The following RIC8B variants were observed in gnomAD, a reference collection of about 807,000 sequenced individuals.
RIC8B encodes the protein RIC8 guanine nucleotide exchange factor B, also known as chaperone Ric-8B.
RIC8B carries 16 observed loss-of-function variants against 57.5 expected under a neutral mutation model. That is an observed-to-expected ratio of 0.28 (90% CI 0.19 to 0.42). RIC8B has a LOEUF of 0.42. Among genes scored for constraint, RIC8B ranks in the 10% least tolerant of loss-of-function variants. RIC8B has a pLI of 1.00. For synonymous variants in RIC8B, 216 were observed against 250.8 expected (o/e 0.86, Z 1.31); for missense variants, 481 against 677.0 (o/e 0.71, Z 3.21).
rs1459716311 is a variant in RIC8B, at chr12:106,867,472, C to G, written c.1452-3351C>G. Among the ~76,000 whole-genome samples the G allele has an allele frequency of 6.6e-6, 1 of 152,070 alleles. No individual in the cohort carries two copies. Among genetic ancestry groups the G allele is most frequent in the Non-Finnish European group, 1.5e-5 (1 of 68,014 alleles). Reference sequence around the variant, plus strand: ...AGTGTTCTTAAAGCATCTTAAGACTCCAAGTTTTGGAATGAAATAAAACTA... The same window carrying G: ...AGTGTTCTTAAAGCATCTTAAGACTGCAAGTTTTGGAATGAAATAAAACTA... On this transcript the variant is annotated intron_variant, in intron 8 of 9. Transcript: ENST00000392837. The surrounding 1 kb of genome is among the most constrained non-coding windows in gnomAD (Gnocchi z 4.3).
At chr12:106,821,526 T>C (rs73200053) in intron 3 of RIC8B, among the ~76,000 whole-genome samples, 6,568 of 152,270 alleles carry the variant, frequency 0.043, 160 homozygotes, top group South Asian at 0.082. Context: ...TAATAAAGCT[T>C]ACTGAAGAGT....
intron 3 of RIC8B, chr12:106,822,488 A>G (rs938288639): frequency 6.6e-6 from 1 of 152,258 alleles, no homozygotes; most frequent in Admixed American, 6.5e-5. Context: ...CCCAAGCTGG[A>G]AACAATCCAA....
chr12:106,825,566 A>C (rs1278296803), intron 3 of RIC8B, among the ~76,000 whole-genome samples, 160 bp from the exon 4 acceptor site: 1 of 152,216 alleles, frequency 6.6e-6, no homozygotes, highest in Non-Finnish European at 1.5e-5. Flanking sequence ...GATAGTGACT[A>C]TTAGTATTGC....
At chr12:106,803,949 T>C (rs1417900024) in intron 2 of RIC8B, among the ~76,000 whole-genome samples, 1 of 152,228 alleles carries the variant, frequency 6.6e-6, no homozygotes, top group East Asian at 1.9e-4. Flanking sequence ...TATCCCCGTT[T>C]TATAGGTAAT....
At position 106,867,544 on chromosome 12, in the gene RIC8B, C is replaced by T. The variant is rs1950189949; in HGVS notation, c.1452-3279C>T. Among the ~76,000 whole-genome samples, 1 of 152,220 alleles carries T rather than the reference C, an allele frequency of 6.6e-6. No homozygotes were observed. Among genetic ancestry groups the T allele is most frequent in the South Asian group, 2.1e-4 (1 of 4,826 alleles). On this transcript the variant is annotated intron_variant, in intron 8 of 9. Coordinates refer to ENST00000392837, the MANE Select transcript of RIC8B (RefSeq NM_001330145.2). This position sits in a 1 kb window ranked among gnomAD's most constrained non-coding sequence, Gnocchi z 4.3. ...AAGATTGAAACCTGGACTGTGGCGTCTCAGACTGTACTATTTGAGGTTGAA... is the reference window on the plus strand; with the variant it reads ...AAGATTGAAACCTGGACTGTGGCGTTTCAGACTGTACTATTTGAGGTTGAA...
chr12:106,853,265 G>A (rs1949553910), intron 7 of RIC8B, among the ~76,000 whole-genome samples: 1 of 151,524 alleles, frequency 6.6e-6, no homozygotes, highest in African/African-American at 2.4e-5. Context: ...TTACCGATGA[G>A]TATCATAGCA....
intron 2 of RIC8B, among the ~76,000 whole-genome samples, chr12:106,788,176 A>G (rs1445134496): frequency 6.6e-6 from 1 of 152,204 alleles, no homozygotes; most frequent in Non-Finnish European, 1.5e-5. Flanking sequence ...AAGCTCCAAA[A>G]TGATCTCCTT....
intron 7 of RIC8B, among the ~76,000 whole-genome samples, chr12:106,856,083 C>G (rs140947871): frequency 5.2e-4 from 79 of 152,296 alleles, no homozygotes; most frequent in African/African-American, 1.6e-3. Flanking sequence ...ATCACCACAT[C>G]TGTAGATTTT....
intron 3 of RIC8B, among the ~76,000 whole-genome samples, chr12:106,817,988 G>A (rs552382092): frequency 6.6e-6 from 1 of 152,268 alleles, no homozygotes; most frequent in South Asian, 2.1e-4. Context: ...TTTTAAAACA[G>A]TGACTGAAAT....
At chr12:106,837,861 C>T (rs1029463117) in intron 4 of RIC8B, among the ~76,000 whole-genome samples, 7 of 152,076 alleles carry the variant, frequency 4.6e-5, no homozygotes, top group African/African-American at 1.4e-4. Flanking sequence ...AGGCTGATCT[C>T]GAACTCCTGA....
intron 3 of RIC8B, among the ~76,000 whole-genome samples, chr12:106,817,188 C>A (rs1447776497): frequency 1.3e-5 from 2 of 152,066 alleles, no homozygotes; most frequent in East Asian, 1.9e-4. Flanking sequence ...GACATAATGC[C>A]CTGCATTATG....
At chr12:106,862,629 G>C (rs1233421978) in intron 8 of RIC8B, among the ~76,000 whole-genome samples, 1 of 152,104 alleles carries the variant, frequency 6.6e-6, no homozygotes, top group East Asian at 1.9e-4. Context: ...ATCTCAGTCT[G>C]CTTTTCTTGT....
chr12:106,864,337 T>A (rs1180648707), intron 8 of RIC8B, among the ~76,000 whole-genome samples: 1 of 152,126 alleles, frequency 6.6e-6, no homozygotes, highest in Non-Finnish European at 1.5e-5. Context: ...TCCTGGATCA[T>A]CTGAGGCCTT....
chr12:106,779,630 G>T (rs1415739100), intron 1 of RIC8B, among the ~76,000 whole-genome samples: 1 of 125,256 alleles, frequency 8.0e-6, no homozygotes, highest in African/African-American at 3.0e-5. Flanking sequence ...ATAATGCCAA[G>T]AAGAAAAAAA....
chr12:106,803,391 T>G (rs940001550), intron 2 of RIC8B, among the ~76,000 whole-genome samples: 3 of 152,164 alleles, frequency 2.0e-5, no homozygotes, highest in African/African-American at 7.2e-5. Flanking sequence ...TAGTGCCTTC[T>G]AACTCTTAAC....
intron 8 of RIC8B, 87 bp from the exon 9 acceptor site, chr12:106,870,733 TTTC>T (rs1455730888): frequency 4.5e-6 from 5 of 1,098,904 alleles, no homozygotes; most frequent in Admixed American, 6.1e-5. Flanking sequence ...TATTATACTC[TTTC>T]TTATTATCAC....
intron 9 of RIC8B, among the ~76,000 whole-genome samples, chr12:106,882,266 A>G (rs892992079): frequency 6.6e-6 from 1 of 152,130 alleles, no homozygotes; most frequent in African/African-American, 2.4e-5. Flanking sequence ...TTTTGCCCTC[A>G]TCACAACTTA....
Position 106,872,621 on chromosome 12 carries a change from T to A in RIC8B, c.1571+1679T>A, listed in dbSNP as rs189476005. ...AGGCGGAGGTTGCGGTGAACCAAGGTCGCACCATTGCACTCCAGCCTGGTC... is the reference window on the plus strand; with the variant it reads ...AGGCGGAGGTTGCGGTGAACCAAGGACGCACCATTGCACTCCAGCCTGGTC... On this transcript the variant is annotated intron_variant, in intron 9 of 9. Transcript: ENST00000392837. Among the ~76,000 whole-genome samples the A allele has an allele frequency of 1.3e-3, 190 of 143,870 alleles. 1 individual carries two copies. Among genetic ancestry groups the A allele is most frequent in the Non-Finnish European group, 2.4e-3 (160 of 67,068 alleles). The allele number at this position is 143,870 out of a possible 152,430, so 94.4% of individuals were successfully genotyped here.
rs2043352642 is a variant in RIC8B, at chr12:106,774,713, C to T, written c.-33C>T. 6.6e-7 allele frequency: 1 copy of T among 1,526,678 alleles called. No homozygotes were observed. The highest frequency in any genetic ancestry group is 8.8e-7 in the Non-Finnish European group (1 of 1,131,892). 94.6% of individuals were successfully genotyped at this position (1,526,678 alleles called of 1,614,324 possible). A position where few individuals can be genotyped will look rare whatever the true frequency, so the allele number is the denominator to read the frequency against. The stretch of plus-strand genomic sequence containing the variant: ...ACCTGGAGGCAGCGGCTTGGGCGCG[C>T]AGAGCGGCCGCGGCTCCCCCGCACC... On this transcript the variant is annotated 5_prime_UTR_variant, in exon 1 of 10. Transcript: ENST00000392837.
Sources: gnomAD v4.1 joint callset for allele counts (sites outside exome capture counted in the v4.1 genomes callset) on GRCh38, gnomAD v4.1.1 for gene constraint, Gnocchi (gnomAD v3.1) non-coding constraint, MANE v1.5 for transcripts, NCBI Gene and HGNC (gene_info 2026-07-23, HGNC 2026-07-21) for gene names.